Variants in ST6GALNAC3 observed in about 807,000 individuals in gnomAD.
ST6GALNAC3 encodes the protein ST6 N-acetylgalactosaminide alpha-2,6-sialyltransferase 3.
A neutral mutation model predicts 32.7 loss-of-function variants in ST6GALNAC3; 25 were observed. That is an observed-to-expected ratio of 0.76 (90% CI 0.56 to 1.07). The LOEUF is 1.07. Ranked by LOEUF, ST6GALNAC3 falls within the 50% of genes least tolerant of loss-of-function variation. ST6GALNAC3 has a pLI of 0.00. For synonymous variants in ST6GALNAC3, 129 were observed against 133.1 expected (o/e 0.97, Z 0.21); for missense variants, 355 against 382.4 (o/e 0.93, Z 0.60).
intron 2 of ST6GALNAC3, among the ~76,000 whole-genome samples, chr1:76,371,003 A>G (rs1425171630): frequency 6.6e-6 from 1 of 151,934 alleles, no homozygotes; most frequent in African/African-American, 2.4e-5. Context: ...TATTTCATTT[A>G]TTGTCTGCCT....
chr1:76,424,091 T>C (rs1217913920), intron 3 of ST6GALNAC3, among the ~76,000 whole-genome samples: 1 of 152,046 alleles, frequency 6.6e-6, no homozygotes, highest in African/African-American at 2.4e-5. Context: ...ATTTCTGATA[T>C]GTCTTCTAGT....
At chr1:76,385,212 A>C (rs753372966) in intron 2 of ST6GALNAC3, among the ~76,000 whole-genome samples, 1 of 152,118 alleles carries the variant, frequency 6.6e-6, no homozygotes, top group Non-Finnish European at 1.5e-5. Context: ...AACAGAAGGA[A>C]ATTTGGGGGG....
intron 2 of ST6GALNAC3, among the ~76,000 whole-genome samples, chr1:76,347,262 T>G (rs1648599754): frequency 6.6e-6 from 1 of 152,156 alleles, no homozygotes; most frequent in East Asian, 1.9e-4. Context: ...AATAAAATGT[T>G]AGGATTTTAT....
At chr1:76,215,579 C>T (rs1272742123) in intron 1 of ST6GALNAC3, among the ~76,000 whole-genome samples, 1 of 152,176 alleles carries the variant, frequency 6.6e-6, no homozygotes, top group Non-Finnish European at 1.5e-5. Flanking sequence ...TCCACTTTTA[C>T]GTAGTCTATT....
chr1:76,274,765 C>G (rs145929621), intron 1 of ST6GALNAC3, among the ~76,000 whole-genome samples: 300 of 152,198 alleles, frequency 2.0e-3, no homozygotes, highest in Middle Eastern at 6.8e-3. Flanking sequence ...TTCCAGGGTA[C>G]TCTCTTATCA....
At chr1:76,097,201 G>C (rs1456698445) in intron 1 of ST6GALNAC3, among the ~76,000 whole-genome samples, 1 of 152,194 alleles carries the variant, frequency 6.6e-6, no homozygotes. Flanking sequence ...TTACAGGCGT[G>C]AACCACTGCG....
At chr1:76,220,284 C>T (rs946471478) in intron 1 of ST6GALNAC3, among the ~76,000 whole-genome samples, 1 of 151,988 alleles carries the variant, frequency 6.6e-6, no homozygotes, top group Admixed American at 6.6e-5. Context: ...TTTTAGGAGA[C>T]ATCAGAGACA....
chr1:76,199,330 T>C (rs1373213823), intron 1 of ST6GALNAC3, among the ~76,000 whole-genome samples: 1 of 152,240 alleles, frequency 6.6e-6, no homozygotes, highest in South Asian at 2.1e-4. Context: ...AGAGGCTTTA[T>C]AATGGAGACA....
chr1:76,198,240 T>C (rs982893311), intron 1 of ST6GALNAC3, among the ~76,000 whole-genome samples: 1 of 152,140 alleles, frequency 6.6e-6, no homozygotes, highest in Admixed American at 6.5e-5. Flanking sequence ...CTTGCTATGC[T>C]TCCCAGGCTG....
At chr1:76,513,346 G>A (rs902658739) in intron 3 of ST6GALNAC3, among the ~76,000 whole-genome samples, 10 of 152,174 alleles carry the variant, frequency 6.6e-5, no homozygotes, top group Middle Eastern at 3.4e-3. Flanking sequence ...TCTTCTGCTC[G>A]TGGATATCCT....
intron 3 of ST6GALNAC3, among the ~76,000 whole-genome samples, chr1:76,566,129 T>C (rs1041387681): frequency 6.6e-6 from 1 of 152,210 alleles, no homozygotes. Context: ...ATATGGATCC[T>C]TGGAGCACAG....
intron 1 of ST6GALNAC3, among the ~76,000 whole-genome samples, chr1:76,258,027 G>C (rs1469441970): frequency 6.6e-6 from 1 of 152,090 alleles, no homozygotes; most frequent in African/African-American, 2.4e-5. Flanking sequence ...CCTGAAAACT[G>C]CTGTGACATT....
chr1:76,323,954 G>C (rs746713875), intron 2 of ST6GALNAC3, among the ~76,000 whole-genome samples: 3 of 152,000 alleles, frequency 2.0e-5, no homozygotes, highest in African/African-American at 7.2e-5. Context: ...CTACCTCCCA[G>C]GCTCAAGTGA....
At chr1:76,487,265 G>T (rs1486808916) in intron 3 of ST6GALNAC3, among the ~76,000 whole-genome samples, 2 of 152,128 alleles carry the variant, frequency 1.3e-5, no homozygotes, top group African/African-American at 4.8e-5. Flanking sequence ...GAATTTGAAT[G>T]TTGGCCTGCC....
chr1:76,236,876 A>T (rs751271749), intron 1 of ST6GALNAC3, among the ~76,000 whole-genome samples: 4 of 152,230 alleles, frequency 2.6e-5, no homozygotes, highest in Non-Finnish European at 5.9e-5. Flanking sequence ...CAGATAAAAG[A>T]TAGTCATTTT....
At chr1:76,589,369 CTGACA>C (rs1647012391) in intron 3 of ST6GALNAC3, among the ~76,000 whole-genome samples, 1 of 152,064 alleles carries the variant, frequency 6.6e-6, no homozygotes, top group Non-Finnish European at 1.5e-5. Flanking sequence ...CTTGTGCTTC[CTGACA>C]TAAGTCTCAT....
chr1:76,278,897 C>T (rs1659338205), intron 1 of ST6GALNAC3, among the ~76,000 whole-genome samples: 1 of 152,184 alleles, frequency 6.6e-6, no homozygotes, highest in South Asian at 2.1e-4. Flanking sequence ...TTCTGTTCAT[C>T]GCGTAGTACT....
intron 1 of ST6GALNAC3, among the ~76,000 whole-genome samples, chr1:76,132,325 C>T (rs529177866): frequency 2.0e-5 from 3 of 152,324 alleles, no homozygotes; most frequent in African/African-American, 4.8e-5. Context: ...GAAACTCCAG[C>T]AGCAGCTTGC....
intron 1 of ST6GALNAC3, among the ~76,000 whole-genome samples, chr1:76,259,561 C>G (rs2100723767): frequency 6.6e-6 from 1 of 152,300 alleles, no homozygotes; most frequent in Non-Finnish European, 1.5e-5. Context: ...AAGCCCTTCT[C>G]TCTGTTGAAT....
Sources: gnomAD v4.1 joint callset for allele counts (sites outside exome capture counted in the v4.1 genomes callset) on GRCh38, gnomAD v4.1.1 for gene constraint, MANE v1.5 for transcripts, NCBI Gene and HGNC (gene_info 2026-07-23, HGNC 2026-07-21) for gene names.